S1PR3: variants seen among roughly 807,000 people sequenced by gnomAD.
S1PR3 encodes the protein sphingosine-1-phosphate receptor 3.
Under a neutral mutation model 13.3 loss-of-function variants are expected in S1PR3, and 12 were observed. That is an observed-to-expected ratio of 0.90 (90% confidence interval 0.58 to 1.46). S1PR3 has a LOEUF of 1.46. S1PR3 is among the 40% of genes most tolerant of loss of function. The pLI, the probability that S1PR3 is intolerant of heterozygous loss-of-function variation, is 0.00. For synonymous variants in S1PR3, 232 were observed against 214.0 expected (o/e 1.08, Z -0.73); for missense variants, 450 against 501.9 (o/e 0.90, Z 0.99).
At chr9:88,997,349 T>C (rs1448479645) in intron 1 of S1PR3, 1 of 152,230 alleles carries the variant, frequency 6.6e-6, no homozygotes, top group East Asian at 1.9e-4. Context: ...GATCAATTTT[T>C]GTATAAGCCG....
chr9:89,001,879 C>G lies in S1PR3; in HGVS notation c.679C>G (p.Arg227Gly), dbSNP rs886673716. ...RIYFLVKSSS[R>G]KVANHNNSER... ...CTACTTCCTGGTGAAGTCCAGCAGCCGTAAGGTGGCCAACCACAACAACTC... is the reference window on the plus strand; with the variant it reads ...CTACTTCCTGGTGAAGTCCAGCAGCGGTAAGGTGGCCAACCACAACAACTC... The change falls in exon 2 of 2, where the codon CGT (arginine) becomes GGT (glycine). Residue 227 changes from arginine to glycine, a missense_variant. By Grantham distance (125) the Arg-to-Gly change is moderately radical (BLOSUM62 -2). Coordinates refer to ENST00000358157, the MANE Select transcript of S1PR3 (RefSeq NM_005226.4). 2.5e-6 allele frequency: 4 copies of G among 1,614,094 alleles called. No individual in the cohort carries two copies. The highest frequency in any genetic ancestry group is 3.4e-6 in the Non-Finnish European group (4 of 1,180,038).
chr9:88,994,493 C>G (rs1361142210), intron 1 of S1PR3: 2 of 167,020 alleles, frequency 1.2e-5, no homozygotes, highest in Non-Finnish European at 1.5e-5. Context: ...TCTTGAGAAT[C>G]ATTTATCCTA....
In S1PR3 at chr9:89,001,033, CCT is replaced by C; in HGVS notation, c.-147-18_-147-17del. On this transcript the variant is annotated intron_variant, in intron 1 of 1. Coordinates refer to ENST00000358157, the MANE Select transcript of S1PR3 (RefSeq NM_005226.4). ...GCGATCGTTTTATCAATGGTCGCTC[CCT>C]CTTTTTATCTGTTGGCAGGAGCCCT... 1.4e-6 allele frequency: 1 copy of C among 722,716 alleles called. No homozygotes were observed. Among genetic ancestry groups the C allele is most frequent in the Non-Finnish European group, 2.3e-6 (1 of 442,346 alleles). 44.8% of individuals were successfully genotyped at this position (722,716 alleles called of 1,614,324 possible).
At chr9:88,992,493 A>G (rs1012937705) in intron 1 of S1PR3, 6 of 155,994 alleles carry the variant, frequency 3.8e-5, no homozygotes, top group South Asian at 2.0e-4. Context: ...AGGCCCCCCC[A>G]TTCATGGTAC....
In S1PR3 at chr9:88,991,475, G is replaced by A. The variant is rs775670720; in HGVS notation, c.-368G>A. On this transcript the variant is annotated 5_prime_UTR_variant, in exon 1 of 2. Coordinates refer to ENST00000358157, the MANE Select transcript of S1PR3 (RefSeq NM_005226.4). This position sits in a 1 kb window ranked among gnomAD's most constrained non-coding sequence, Gnocchi z 4.0. ...TCTCTGACTCGCTCGGGCAGAGGCCGAGGAAGCCGGTTCCGGGGACGGGCA... is the reference window on the plus strand; with the variant it reads ...TCTCTGACTCGCTCGGGCAGAGGCCAAGGAAGCCGGTTCCGGGGACGGGCA... 2 of 1,547,610 alleles carry A rather than the reference G, an allele frequency of 1.3e-6. No individual in the cohort carries two copies. The highest frequency in any genetic ancestry group is 1.7e-6 in the Non-Finnish European group (2 of 1,145,902).
At chr9:88,996,316 G>T (rs1003323260) in intron 1 of S1PR3, among the ~76,000 whole-genome samples, 10 of 152,156 alleles carry the variant, frequency 6.6e-5, no homozygotes, top group African/African-American at 2.2e-4. Context: ...ACATGGACAT[G>T]TGTTCGCCAA....
At position 89,002,749 on chromosome 9, in the gene S1PR3, A is replaced by G. The variant is rs180739197; in HGVS notation, c.*412A>G. On this transcript the variant is annotated 3_prime_UTR_variant, in exon 2 of 2. Transcript: ENST00000358157. Reference sequence around the variant, plus strand: ...GATGCTTGTATATTCGTACATCTCTATGTTACACAGAATTTGTGTTGCAGG... The same window carrying G: ...GATGCTTGTATATTCGTACATCTCTGTGTTACACAGAATTTGTGTTGCAGG... 64 of 227,372 alleles carry G rather than the reference A, an allele frequency of 2.8e-4. No homozygotes were observed. In the South Asian group the frequency reaches 5.1e-3, roughly 18 times the overall value. The allele number at this position is 227,372 out of a possible 1,614,324, so 14.1% of individuals were successfully genotyped here.
At position 89,001,131 on chromosome 9, in the gene S1PR3, C is replaced by G; in HGVS notation, c.-70C>G. On this transcript the variant is annotated 5_prime_UTR_variant, in exon 2 of 2. Coordinates refer to ENST00000358157, the MANE Select transcript of S1PR3 (RefSeq NM_005226.4). ...GAAGCCGGAACCTCAGCCCCGCTTC[C>G]CTTTGAAATGAATGTTCCTGGGGCG... is the stretch of plus-strand genomic sequence containing the variant. 6.4e-7 allele frequency: 1 copy of G among 1,552,018 alleles called. No individual in the cohort carries two copies. The highest frequency in any genetic ancestry group is 8.8e-7 in the Non-Finnish European group (1 of 1,141,240).
rs146965750 is a variant in S1PR3 at position 88,991,942 on chromosome 9, G to A, written c.-148+247G>A. The A allele has an allele frequency of 1.5e-5, 25 of 1,614,136 alleles. No individual in the cohort carries two copies. Among genetic ancestry groups the A allele is most frequent in the Non-Finnish European group, 1.9e-5 (23 of 1,180,054 alleles). On this transcript the variant is annotated intron_variant, in intron 1 of 1. Coordinates refer to ENST00000358157, the MANE Select transcript of S1PR3 (RefSeq NM_005226.4). This position sits in a 1 kb window ranked among gnomAD's most constrained non-coding sequence, Gnocchi z 4.0. ...CTGAATACCTGGATGAAAGTGGAGA[G>A]GCTGTTCGTGGAGAAGTTCCATCAG... is the stretch of plus-strand genomic sequence containing the variant.
In S1PR3 at chr9:89,005,039, T is replaced by G. The variant is rs1825919625; in HGVS notation, c.*2702T>G. 1 of 165,980 alleles carries G rather than the reference T, an allele frequency of 6.0e-6. No individual in the cohort carries two copies. The highest frequency in any genetic ancestry group is 2.1e-4 in the South Asian group (1 of 4,822). 10.3% of individuals were successfully genotyped at this position (165,980 alleles called of 1,614,324 possible). On this transcript the variant is annotated 3_prime_UTR_variant, in exon 2 of 2. Coordinates refer to ENST00000358157, the MANE Select transcript of S1PR3 (RefSeq NM_005226.4). ...TTCGTAGTCCATGTGATGGGATTGT[T>G]TTATCGTTTTCACCGGGTGCCCTCC...
Position 89,001,572 on chromosome 9 carries a change from G to T in S1PR3, c.372G>T (p.Ala124=). The change falls in exon 2 of 2, where the codon GCG becomes GCT. Residue 124 remains alanine, a synonymous_variant. Coordinates refer to ENST00000358157, the MANE Select transcript of S1PR3 (RefSeq NM_005226.4). The stretch of plus-strand genomic sequence containing the variant: ...GCAGTATGTTCGTGGCCCTTGGGGC[G>T]TCCACCTGCAGCTTACTGGCCATCG... ...REGSMFVALG[A]STCSLLAIAI... 1 of 1,614,218 alleles carries T rather than the reference G, an allele frequency of 6.2e-7. No homozygotes were observed. Among genetic ancestry groups the T allele is most frequent in the Middle Eastern group, 1.6e-4 (1 of 6,062 alleles).
chr9:88,991,299 C>T, upstream of S1PR3: 2 of 1,491,022 alleles, frequency 1.3e-6, no homozygotes, highest in Non-Finnish European at 1.8e-6. This position sits in a 1 kb window ranked among gnomAD's most constrained non-coding sequence, Gnocchi z 4.0. Flanking sequence ...GGAGACCAGG[C>T]GGCTTGAGCG....
chr9:88,991,877 C>G lies in S1PR3; in HGVS notation c.-148+182C>G, dbSNP rs1329602897. The G allele has an allele frequency of 1.2e-6, 2 of 1,614,170 alleles. No individual in the cohort carries two copies. Among genetic ancestry groups the G allele is most frequent in the Non-Finnish European group, 1.7e-6 (2 of 1,180,018 alleles). On this transcript the variant is annotated intron_variant, in intron 1 of 1. Coordinates refer to ENST00000358157, the MANE Select transcript of S1PR3 (RefSeq NM_005226.4). This position sits in a 1 kb window ranked among gnomAD's most constrained non-coding sequence, Gnocchi z 4.0. ...AGCCGCTGCAGGAACAGGGAGGAGGCCTTTTCCACCGCACCCGGAGCGTTT... is the reference window on the plus strand; with the variant it reads ...AGCCGCTGCAGGAACAGGGAGGAGGGCTTTTCCACCGCACCCGGAGCGTTT...
chr9:89,000,719 T>A, intron 1 of S1PR3: 1 of 160,994 alleles, frequency 6.2e-6, no homozygotes, highest in Admixed American at 5.8e-5. Context: ...GGTCACCAGC[T>A]CCCATGCCCT....
intron 1 of S1PR3, 180 bp from the exon 2 acceptor site, chr9:89,000,874 A>C (rs1383369738): frequency 3.8e-5 from 13 of 344,628 alleles, no homozygotes. Context: ...ATCGCTTCCC[A>C]TGGTGTCCCC....
At chr9:88,999,124 A>G (rs1041455432) in intron 1 of S1PR3, 1 of 152,332 alleles carries the variant, frequency 6.6e-6, no homozygotes, top group Non-Finnish European at 1.5e-5. Context: ...TTCTGCCAGC[A>G]CTTGGCATTC....
intron 1 of S1PR3, 54 bp from the exon 2 acceptor site, chr9:89,001,000 C>G (rs1276007302): frequency 3.2e-6 from 2 of 619,548 alleles, no homozygotes; most frequent in African/African-American, 3.7e-5. Flanking sequence ...GCCGTGGCCC[C>G]TTAGGCGGCG....
chr9:88,992,133 G>A, intron 1 of S1PR3: 2 of 1,158,648 alleles, frequency 1.7e-6, no homozygotes, highest in South Asian at 1.4e-5. Flanking sequence ...AGGCAATTAG[G>A]GCCGTCAGAA....
chr9:89,001,210 G>A lies in S1PR3; in HGVS notation c.10G>A (p.Ala4Thr). Residue 4 changes from alanine to threonine, a missense_variant, in exon 2 of 2, where the codon GCC (alanine) becomes ACC (threonine). Ala to Thr is a moderately conservative substitution (Grantham distance 58, BLOSUM62 0). Transcript: ENST00000358157. Reference sequence around the variant, plus strand: ...CTGTGAATGCCAAGTGATGGCAACTGCCCTCCCGCCGCGTCTCCAGCCGGT... The same window carrying A: ...CTGTGAATGCCAAGTGATGGCAACTACCCTCCCGCCGCGTCTCCAGCCGGT... MAT[A>T]LPPRLQPVRG... 4 of 1,612,254 alleles carry A rather than the reference G, an allele frequency of 2.5e-6. No individual in the cohort carries two copies. The highest frequency in any genetic ancestry group is 1.1e-5 in the South Asian group (1 of 91,036).
Sources: allele counts gnomAD v4.1 joint callset (sites outside exome capture counted in the v4.1 genomes callset), GRCh38; gene constraint gnomAD v4.1.1; non-coding constraint Gnocchi (gnomAD v3.1); transcripts MANE v1.5; gene names NCBI Gene and HGNC (gene_info 2026-07-23, HGNC 2026-07-21).